UPRT: variants seen among roughly 807,000 people sequenced by gnomAD.
UPRT encodes RP11-311P8.3.
Under a neutral mutation model 22.6 loss-of-function variants are expected in UPRT, and 5 were observed. The ratio of observed to expected loss-of-function variants is 0.22; its 90% confidence interval spans 0.12 to 0.47. The LOEUF (loss-of-function observed/expected upper bound fraction) is 0.47. UPRT is among the 20% of genes least tolerant of loss of function. The probability of loss-of-function intolerance (pLI) is 0.99; values close to 1 mark genes in which losing one functional copy is unlikely to be tolerated. For missense variants in UPRT, 181 were observed against 239.9 expected (o/e 0.75, Z 1.62); for synonymous variants, 77 against 87.7 (o/e 0.88, Z 0.68).
chrX:75,173,543 A>T (rs184671222), intron 4 of UPRT, among the ~76,000 whole-genome samples: 1 of 112,642 alleles, frequency 8.9e-6, no homozygotes, highest in Admixed American at 9.3e-5. Context: ...CACCTAGTGG[A>T]TCCTACACCG....
At position 75,251,617 on chromosome X, in the gene UPRT, C is replaced by G. The variant is rs751134619; in HGVS notation, c.-446-39407C>G. On this transcript the variant is annotated intron_variant, in intron 4 of 13. Transcript: ENST00000652605. ...GCTCATGGGTAGGAAGAATGAATGTCGTGAAAATGGCCATACTGCCCAAGG... is the reference window on the plus strand; with the variant it reads ...GCTCATGGGTAGGAAGAATGAATGTGGTGAAAATGGCCATACTGCCCAAGG... Among the ~76,000 whole-genome samples, 23 of 111,590 alleles carry G rather than the reference C, an allele frequency of 2.1e-4. No homozygotes were observed. In the South Asian group the frequency reaches 3.4e-3, roughly 17 times the overall value.
intron 4 of UPRT, among the ~76,000 whole-genome samples, chrX:75,249,335 A>G (rs1456018311): frequency 1.8e-5 from 2 of 111,733 alleles, no homozygotes; most frequent in African/African-American, 6.5e-5. Context: ...AGAGAAACAC[A>G]TAGGCTCAAA....
chrX:75,198,687 C>T (rs191501448), intron 4 of UPRT, among the ~76,000 whole-genome samples: 315 of 111,386 alleles, frequency 2.8e-3, no homozygotes, highest in Middle Eastern at 9.1e-3. Context: ...AAATGCAGAA[C>T]ATATGCACAT....
At chrX:75,186,624 T>C (rs2082293216) in intron 4 of UPRT, among the ~76,000 whole-genome samples, 1 of 111,752 alleles carries the variant, frequency 8.9e-6, no homozygotes, top group Admixed American at 9.5e-5. Flanking sequence ...CAGTGGGGTG[T>C]TAAAATCTCC....
At chrX:75,285,613 T>A (rs1209899644) in intron 1 of UPRT, 2 of 111,757 alleles carry the variant, frequency 1.8e-5, no homozygotes, top group African/African-American at 6.5e-5. Flanking sequence ...CTTTCTCACT[T>A]CCACAGTTGG....
In UPRT at chrX:75,183,291, C is replaced by T. The variant is rs191004491; in HGVS notation, c.-447+15412C>T. On this transcript the variant is annotated intron_variant, in intron 4 of 13. Transcript: ENST00000652605. ...TGTAGTGTTTGGTTTTCTGTCCTTG[C>T]GATAGTTTGCTCACAATGATGGTTT... is the stretch of plus-strand genomic sequence containing the variant. Among the ~76,000 whole-genome samples, 445 of 111,034 alleles carry T rather than the reference C, an allele frequency of 4.0e-3. 5 individuals are homozygous for T. Among genetic ancestry groups the T allele is most frequent in the African/African-American group, 0.013 (389 of 30,511 alleles).
chrX:75,236,434 A>T (rs2082464400), intron 4 of UPRT, among the ~76,000 whole-genome samples: 1 of 111,679 alleles, frequency 9.0e-6, no homozygotes, highest in Non-Finnish European at 1.9e-5. Context: ...TCTTCACAGA[A>T]TTGGAAAAAA....
chrX:75,176,768 C>T (rs979220209), intron 4 of UPRT, among the ~76,000 whole-genome samples: 5 of 110,956 alleles, frequency 4.5e-5, no homozygotes, highest in African/African-American at 9.8e-5. Context: ...TTTGCATAGT[C>T]GTGTATTCTC....
intron 1 of UPRT, among the ~76,000 whole-genome samples, chrX:75,287,269 G>T (rs2082685982): frequency 8.9e-6 from 1 of 111,781 alleles, no homozygotes; most frequent in African/African-American, 3.2e-5. Context: ...TATCCCAGGG[G>T]AGAATCCCTC....
chrX:75,274,984 T>A (rs949664228), intron 1 of UPRT, among the ~76,000 whole-genome samples: 1 of 110,669 alleles, frequency 9.0e-6, no homozygotes, highest in African/African-American at 3.3e-5. Flanking sequence ...TGGGCAGTGC[T>A]TGTCCACATG....
At chrX:75,192,092 A>G (rs1240050579) in intron 4 of UPRT, among the ~76,000 whole-genome samples, 1 of 111,672 alleles carries the variant, frequency 9.0e-6, no homozygotes, top group African/African-American at 3.3e-5. Flanking sequence ...CTATTCGGCC[A>G]TCTTGGAACC....
intron 4 of UPRT, among the ~76,000 whole-genome samples, chrX:75,177,230 C>T (rs780815494): frequency 6.1e-4 from 67 of 109,186 alleles, no homozygotes; most frequent in Non-Finnish European, 7.0e-4. Context: ...CGCTCACTGA[C>T]GCAGCAGCAG....
intron 4 of UPRT, among the ~76,000 whole-genome samples, chrX:75,178,108 C>T (rs1380987920): frequency 3.6e-5 from 4 of 112,166 alleles, no homozygotes; most frequent in Non-Finnish European, 3.8e-5. Context: ...TGTTGACCCT[C>T]GGCTCAGCCC....
chrX:75,178,244 G>T (rs1364332064), intron 4 of UPRT, among the ~76,000 whole-genome samples: 1 of 112,202 alleles, frequency 8.9e-6, no homozygotes, highest in Admixed American at 9.4e-5. Context: ...GGCTGCGCTA[G>T]TCGCTTTTAA....
intron 4 of UPRT, among the ~76,000 whole-genome samples, chrX:75,236,483 A>T (rs965401104): frequency 6.3e-4 from 70 of 111,788 alleles, no homozygotes; most frequent in African/African-American, 2.2e-3. Context: ...AGGAGCCCGC[A>T]TTGCCAAGTC....
intron 3 of UPRT, 114 bp from the exon 4 acceptor site, chrX:75,297,377 G>C: frequency 7.9e-6 from 5 of 630,874 alleles, no homozygotes; most frequent in Non-Finnish European, 1.3e-5. Context: ...ATTATACAGT[G>C]TGTCTGAACA....
chrX:75,252,444 CTCA>C (rs1471223815), intron 4 of UPRT, among the ~76,000 whole-genome samples: 5 of 112,604 alleles, frequency 4.4e-5, no homozygotes, highest in African/African-American at 1.6e-4. Context: ...TGAAAAAATG[CTCA>C]TCAACACTGG....
At chrX:75,199,345 T>G (rs1312540552) in intron 4 of UPRT, among the ~76,000 whole-genome samples, 1 of 110,973 alleles carries the variant, frequency 9.0e-6, no homozygotes, top group African/African-American at 3.3e-5. Flanking sequence ...CCAAGTAGGG[T>G]AAGCCATCAG....
chrX:75,187,315 G>A (rs754639662), intron 4 of UPRT, among the ~76,000 whole-genome samples: 2 of 111,295 alleles, frequency 1.8e-5, no homozygotes, highest in Admixed American at 1.9e-4. Context: ...ATTCTGGGTT[G>A]AAAATTCTTT....
Sources: allele counts gnomAD v4.1 joint callset (sites outside exome capture counted in the v4.1 genomes callset), GRCh38; gene constraint gnomAD v4.1.1; transcripts MANE v1.5; gene names NCBI Gene and HGNC (gene_info 2026-07-23, HGNC 2026-07-21).